SLC24A2: variants seen among roughly 807,000 people sequenced by gnomAD.
SLC24A2 encodes sodium/potassium/calcium exchanger 2.
SLC24A2 carries 36 observed loss-of-function variants against 62.0 expected under a neutral mutation model. That is an observed-to-expected ratio of 0.58 (90% CI 0.44 to 0.77). The LOEUF (loss-of-function observed/expected upper bound fraction) is 0.77, where lower values mean the gene tolerates loss of function less well. Among genes scored for constraint, SLC24A2 ranks in the 30% least tolerant of loss-of-function variants. SLC24A2 has a pLI of 0.00. For synonymous variants in SLC24A2, 358 were observed against 294.0 expected (o/e 1.22, Z -2.23); for missense variants, 846 against 817.9 (o/e 1.03, Z -0.42).
chr9:19,679,884 CTGTGTCTATGTGTGTA>C (rs1819669179), intron 2 of SLC24A2, among the ~76,000 whole-genome samples: 1 of 108,050 alleles, frequency 9.3e-6, no homozygotes, highest in Non-Finnish European at 2.0e-5. Flanking sequence ...GTGTGTGTGT[CTGTGTCTATGTGTGTA>C]TGTATTCTAT....
At chr9:19,718,282 C>CA (rs1247573441) in intron 2 of SLC24A2, among the ~76,000 whole-genome samples, 8 of 97,654 alleles carry the variant, frequency 8.2e-5, no homozygotes, top group Admixed American at 3.7e-4. Flanking sequence ...GCTGATTTAA[C>CA]ACTTTTTTTT....
the SLC24A2 span, among the ~76,000 whole-genome samples, chr9:20,270,197 C>T: frequency 6.6e-6 from 1 of 152,134 alleles, no homozygotes; most frequent in Non-Finnish European, 1.5e-5. Flanking sequence ...AACCCCATGA[C>T]CCAAACAGCT....
At chr9:19,873,536 C>CTTTCTTTCTTTCTTTCTTTATT in the SLC24A2 span, among the ~76,000 whole-genome samples, 1 of 137,040 alleles carries the variant, frequency 7.3e-6, no homozygotes, top group Non-Finnish European at 1.5e-5. Context: ...TCCTTTCTTT[C>CTTTCTTTCTTTCTTTCTTTATT]TCTTTCTTTC....
the SLC24A2 span, among the ~76,000 whole-genome samples, chr9:20,105,289 C>T: frequency 3.9e-5 from 6 of 152,210 alleles, no homozygotes; most frequent in Middle Eastern, 3.4e-3. Flanking sequence ...GACAGATCAA[C>T]GAGACAGAAA....
At chr9:20,216,073 A>G in the SLC24A2 span, among the ~76,000 whole-genome samples, 9 of 144,046 alleles carry the variant, frequency 6.2e-5, no homozygotes, top group East Asian at 2.1e-4. Context: ...TTTGTGATAA[A>G]TCATAAAGCC....
chr9:19,768,012 TTTC>T (rs1416941751), intron 2 of SLC24A2, among the ~76,000 whole-genome samples: 3 of 152,228 alleles, frequency 2.0e-5, no homozygotes, highest in East Asian at 3.9e-4. Flanking sequence ...AGCTCAGGTC[TTTC>T]TTCTTCTTCT....
chr9:20,099,518 C>T, the SLC24A2 span, among the ~76,000 whole-genome samples: 1 of 152,044 alleles, frequency 6.6e-6, no homozygotes, highest in Non-Finnish European at 1.5e-5. Flanking sequence ...TGAGCTCTTC[C>T]TTCAAAAACA....
rs993554681 is a variant in SLC24A2, at chr9:19,788,951, G to C, written c.-220C>G. On this transcript the variant is annotated 5_prime_UTR_variant, in exon 1 of 11. Coordinates refer to ENST00000341998, the MANE Select transcript of SLC24A2 (RefSeq NM_020344.4). ...GCGCGGCCCGCCGCTCCAGTCCGCC[G>C]GCCCTCCGCCTACCCGCTCTGAGGC... The C allele has an allele frequency of 7.1e-6, 7 of 985,092 alleles. No individual in the cohort carries two copies. Among genetic ancestry groups the C allele is most frequent in the Non-Finnish European group, 7.2e-6 (6 of 829,634 alleles). 61.0% of individuals were successfully genotyped at this position (985,092 alleles called of 1,614,324 possible). A position where few individuals can be genotyped will look rare whatever the true frequency, so the allele number is the denominator to read the frequency against.
chr9:20,301,409 T>C, the SLC24A2 span, among the ~76,000 whole-genome samples: 2 of 152,146 alleles, frequency 1.3e-5, no homozygotes, highest in Non-Finnish European at 2.9e-5. Flanking sequence ...ACCATAACCC[T>C]ACCACCTAGA....
chr9:20,002,777 C>T, the SLC24A2 span, among the ~76,000 whole-genome samples: 2 of 152,192 alleles, frequency 1.3e-5, no homozygotes, highest in Non-Finnish European at 2.9e-5. Context: ...TTTTTCCTCC[C>T]TCCTTGCCCA....
At chr9:19,558,146 ATTC>A (rs1279908887) in intron 7 of SLC24A2, among the ~76,000 whole-genome samples, 2 of 152,142 alleles carry the variant, frequency 1.3e-5, no homozygotes, top group East Asian at 1.9e-4. Context: ...TGAATGTTGT[ATTC>A]TTTTCCTTTT....
the SLC24A2 span, among the ~76,000 whole-genome samples, chr9:20,107,673 A>G: frequency 6.6e-6 from 1 of 152,182 alleles, no homozygotes; most frequent in Non-Finnish European, 1.5e-5. Flanking sequence ...TCCCTTCCTT[A>G]CACCTTATAC....
chr9:19,736,828 G>A (rs1821524871), intron 2 of SLC24A2, among the ~76,000 whole-genome samples: 1 of 152,060 alleles, frequency 6.6e-6, no homozygotes, highest in South Asian at 2.1e-4. Flanking sequence ...CTTCAGCCTG[G>A]GTGAAAGAGT....
intron 5 of SLC24A2, among the ~76,000 whole-genome samples, chr9:19,584,294 C>CAAAAAAA (rs1563982341): frequency 1.1e-5 from 1 of 92,412 alleles, no homozygotes; most frequent in Admixed American, 1.1e-4. Flanking sequence ...AAAAAAAAAA[C>CAAAAAAA]AAACAAAAAA....
At chr9:19,568,571 CATT>C (rs1467588077) in intron 7 of SLC24A2, among the ~76,000 whole-genome samples, 12 of 152,288 alleles carry the variant, frequency 7.9e-5, no homozygotes, top group African/African-American at 2.9e-4. Flanking sequence ...AGATAGAAAC[CATT>C]ATTATCCCTG....
chr9:19,589,858 T>C (rs780088796), intron 5 of SLC24A2, among the ~76,000 whole-genome samples: 33 of 152,170 alleles, frequency 2.2e-4, no homozygotes, highest in Non-Finnish European at 4.4e-4. Flanking sequence ...ATCTTGAGCA[T>C]TGCAAAAGAA....
At chr9:19,698,869 G>GCATATCACACTTC (rs1219844071) in intron 2 of SLC24A2, among the ~76,000 whole-genome samples, 2 of 152,166 alleles carry the variant, frequency 1.3e-5, no homozygotes, top group Non-Finnish European at 1.5e-5. Flanking sequence ...ACAAAGTATG[G>GCATATCACACTTC]CATATCACAC....
At chr9:19,641,610 G>A (rs747565483) in intron 2 of SLC24A2, among the ~76,000 whole-genome samples, 5 of 151,844 alleles carry the variant, frequency 3.3e-5, no homozygotes, top group Non-Finnish European at 7.4e-5. Context: ...CGCCTCCTGG[G>A]TTCAAGCGAT....
At chr9:20,277,934 T>G in the SLC24A2 span, among the ~76,000 whole-genome samples, 15 of 152,220 alleles carry the variant, frequency 9.9e-5, no homozygotes, top group East Asian at 2.7e-3. Flanking sequence ...ATGTCCTTTG[T>G]AGGAACATGG....
Sources: allele counts gnomAD v4.1 joint callset (sites outside exome capture counted in the v4.1 genomes callset), GRCh38; gene constraint gnomAD v4.1.1; transcripts MANE v1.5; gene names NCBI Gene and HGNC (gene_info 2026-07-23, HGNC 2026-07-21).